ZNF740: variants seen among roughly 807,000 people sequenced by gnomAD.
ZNF740 encodes the protein oriLyt TD-element-binding protein 7.
In ZNF740, 14 loss-of-function variants were observed where a neutral mutation model predicts 24.8. That is an observed-to-expected ratio of 0.56 (90% CI 0.37 to 0.88). The LOEUF (loss-of-function observed/expected upper bound fraction) is 0.88, where lower values mean the gene tolerates loss of function less well. Among genes scored for constraint, ZNF740 ranks in the 40% least tolerant of loss-of-function variants. The pLI, the probability that ZNF740 is intolerant of heterozygous loss-of-function variation, is 0.00. For missense variants in ZNF740, 201 were observed against 247.9 expected, an observed-to-expected ratio of 0.81 and a Z score of 1.27; for synonymous variants, 69 against 84.0, an observed-to-expected ratio of 0.82 and a Z score of 0.98.
At position 53,187,641 on chromosome 12, in the gene ZNF740, C is replaced by A; in HGVS notation, c.*51C>A. 1 of 1,452,308 alleles carries A rather than the reference C, an allele frequency of 6.9e-7. No individual in the cohort carries two copies. Among genetic ancestry groups the A allele is most frequent in the Non-Finnish European group, 9.6e-7 (1 of 1,037,872 alleles). 90.0% of individuals were successfully genotyped at this position (1,452,308 alleles called of 1,614,324 possible). A position where few individuals can be genotyped will look rare whatever the true frequency, so the allele number is the denominator to read the frequency against. On this transcript the variant is annotated 3_prime_UTR_variant, in exon 7 of 7. Transcript: ENST00000416904. ...GTGATCAGAAGAACCTGCCGAAGAG[C>A]ACACCCCCTCTGGTCTGATGGTCCC...
At chr12:53,181,057 C>T (rs1941593139) in intron 1 of ZNF740, 2 of 898,152 alleles carry the variant, frequency 2.2e-6, no homozygotes, top group Non-Finnish European at 2.8e-6. Flanking sequence ...AGAGGGCTCT[C>T]GGAGGGGACG....
At chr12:53,187,011 A>G (rs1396315293) in intron 6 of ZNF740, among the ~76,000 whole-genome samples, 1 of 152,172 alleles carries the variant, frequency 6.6e-6, no homozygotes, top group African/African-American at 2.4e-5. Flanking sequence ...AGACAAGAAC[A>G]AGAGATGAGA....
chr12:53,185,569 C>G lies in ZNF740; in HGVS notation c.249+93C>G, dbSNP rs139959772. 42 of 1,205,730 alleles carry G rather than the reference C, an allele frequency of 3.5e-5. No individual in the cohort carries two copies. In the East Asian group the frequency reaches 1.0e-3, roughly 29 times the overall value. 74.7% of individuals were successfully genotyped at this position (1,205,730 alleles called of 1,614,324 possible). Reference sequence around the variant, plus strand: ...TCTACCATGTAACCTGGAGCTTTCCCTAGATGCTTTGATCTCTGATAGCCA... The same window carrying G: ...TCTACCATGTAACCTGGAGCTTTCCGTAGATGCTTTGATCTCTGATAGCCA... On this transcript the variant is annotated intron_variant, in intron 4 of 6. Coordinates refer to ENST00000416904, the MANE Select transcript of ZNF740 (RefSeq NM_001004304.4).
Position 53,193,343 on chromosome 12 carries a change from C to T in ZNF740, c.*5753C>T. The T allele has an allele frequency of 6.3e-7, 1 of 1,589,606 alleles. No individual in the cohort carries two copies. Among genetic ancestry groups the T allele is most frequent in the Non-Finnish European group, 8.6e-7 (1 of 1,164,536 alleles). ...TGCCACAGAGCACTCACAGAGCCGA[C>T]CTAGGCGGCCAGGGGCACAGCTGGA... On this transcript the variant is annotated 3_prime_UTR_variant, in exon 7 of 7. Transcript: ENST00000416904.
chr12:53,192,820 A>G lies in ZNF740; in HGVS notation c.*5230A>G. On this transcript the variant is annotated 3_prime_UTR_variant, in exon 7 of 7. Coordinates refer to ENST00000416904, the MANE Select transcript of ZNF740 (RefSeq NM_001004304.4). ...ACTGCAGAGCCCTCCCTCGGGACTG[A>G]TGCAACTGTCCATGTCCCCACTGCA... is the stretch of plus-strand genomic sequence containing the variant. 6.2e-7 allele frequency: 1 copy of G among 1,614,190 alleles called. No individual in the cohort carries two copies.
chr12:53,183,794 C>T (rs1941755997), intron 2 of ZNF740, among the ~76,000 whole-genome samples: 1 of 151,980 alleles, frequency 6.6e-6, no homozygotes, highest in African/African-American at 2.4e-5. Context: ...GAGACTGAGG[C>T]TGGAGGATTG....
At chr12:53,186,146 C>T in intron 5 of ZNF740, 69 bp downstream of exon 5, 4 of 1,557,940 alleles carry the variant, frequency 2.6e-6, no homozygotes, top group South Asian at 2.4e-5. Flanking sequence ...CTGTTTGTGG[C>T]TCTAGTTGGG....
rs370079380 is a variant in ZNF740 at position 53,191,831 on chromosome 12, AAG to A, written c.*4242_*4243del. The A allele has an allele frequency of 3.6e-5, 58 of 1,613,258 alleles. 3 individuals carry two copies. In the African/African-American group the frequency reaches 4.3e-4, roughly 12 times the overall value. Reference sequence around the variant, plus strand: ...GTCTTGTGGTGGGGGAACAGCTAAAAAGGGGCCTAACCAGGAAGTCTCCTCAC... The same window carrying A: ...GTCTTGTGGTGGGGGAACAGCTAAAAGGGCCTAACCAGGAAGTCTCCTCAC... On this transcript the variant is annotated 3_prime_UTR_variant, in exon 7 of 7. Transcript: ENST00000416904.
In ZNF740 at chr12:53,193,478, G is replaced by T; in HGVS notation, c.*5888G>T. On this transcript the variant is annotated 3_prime_UTR_variant, in exon 7 of 7. Transcript: ENST00000416904. ...CAAAAGAGTTGGAGACAGACAAACA[G>T]CTGAAAGGATGTTAAGTATAGTGAA... 1 of 825,196 alleles carries T rather than the reference G, an allele frequency of 1.2e-6. No homozygotes were observed. The highest frequency in any genetic ancestry group is 1.9e-6 in the Non-Finnish European group (1 of 535,810). The allele number at this position is 825,196 out of a possible 1,614,324, so 51.1% of individuals were successfully genotyped here. A position where few individuals can be genotyped will look rare whatever the true frequency, so the allele number is the denominator to read the frequency against.
chr12:53,193,088 T>C lies in ZNF740; in HGVS notation c.*5498T>C. The C allele has an allele frequency of 6.6e-7, 1 of 1,504,582 alleles. No individual in the cohort carries two copies. The highest frequency in any genetic ancestry group is 9.1e-7 in the Non-Finnish European group (1 of 1,094,316). The allele number at this position is 1,504,582 out of a possible 1,614,324, so 93.2% of individuals were successfully genotyped here. A position where few individuals can be genotyped will look rare whatever the true frequency, so the allele number is the denominator to read the frequency against. The stretch of plus-strand genomic sequence containing the variant: ...TGCCAGGAGATTCCCAGAGCCTAAG[T>C]GCCTTGGGAAGGCCTCTCAGACCCC... On this transcript the variant is annotated 3_prime_UTR_variant, in exon 7 of 7. Coordinates refer to ENST00000416904, the MANE Select transcript of ZNF740 (RefSeq NM_001004304.4).
At position 53,193,947 on chromosome 12, in the gene ZNF740, C is replaced by G; in HGVS notation, c.*6357C>G. 2.0e-6 allele frequency: 3 copies of G among 1,536,674 alleles called. No individual in the cohort carries two copies. In the African/African-American group the frequency reaches 4.1e-5, roughly 21 times the overall value. ...GGCCATGGTTATACACATGCACACA[C>G]ACATACCCCAAACTCACCAATCATC... On this transcript the variant is annotated 3_prime_UTR_variant, in exon 7 of 7. Transcript: ENST00000416904.
intron 5 of ZNF740, 123 bp from the exon 6 acceptor site, chr12:53,186,268 C>T (rs925467326): frequency 1.7e-6 from 2 of 1,143,918 alleles, no homozygotes; most frequent in East Asian, 2.6e-5. Flanking sequence ...TTGGGGACCT[C>T]TCCCCATTTA....
At chr12:53,184,114 G>GTGTGTGT in intron 2 of ZNF740, among the ~76,000 whole-genome samples, 1 of 123,572 alleles carries the variant, frequency 8.1e-6, no homozygotes, top group African/African-American at 3.5e-5. Flanking sequence ...GAAGCTAAGG[G>GTGTGTGT]GTGTGTGTGT....
At chr12:53,187,028 A>G (rs983265320) in intron 6 of ZNF740, among the ~76,000 whole-genome samples, 2 of 152,178 alleles carry the variant, frequency 1.3e-5, no homozygotes, top group Non-Finnish European at 2.9e-5. Context: ...GAGAAATGAT[A>G]ATAGCTAACA....
Position 53,192,726 on chromosome 12 carries a change from T to C in ZNF740, c.*5136T>C. On this transcript the variant is annotated 3_prime_UTR_variant, in exon 7 of 7. Transcript: ENST00000416904. ...CGCATGGTGTCTTGCAGCCTGGGCA[T>C]TGGTCGCATAGAGCACCATAGTAGC... The C allele has an allele frequency of 1.9e-6, 3 of 1,614,192 alleles. No individual in the cohort carries two copies. The highest frequency in any genetic ancestry group is 2.5e-6 in the Non-Finnish European group (3 of 1,180,026).
Position 53,193,220 on chromosome 12 carries a change from C to T in ZNF740, c.*5630C>T, listed in dbSNP as rs1166553966. ...ATGCCCAGAGCTCTGTCCACTGCAG[C>T]TGCAGCGTCCACATTGACAGTGACC... On this transcript the variant is annotated 3_prime_UTR_variant, in exon 7 of 7. Coordinates refer to ENST00000416904, the MANE Select transcript of ZNF740 (RefSeq NM_001004304.4). 1.9e-6 allele frequency: 3 copies of T among 1,614,170 alleles called. No homozygotes were observed. The South Asian group carries it at 3.3e-5, about 18-fold the overall frequency.
intron 2 of ZNF740, among the ~76,000 whole-genome samples, chr12:53,184,006 A>G (rs946648214): frequency 4.2e-4 from 63 of 151,688 alleles, no homozygotes; most frequent in African/African-American, 1.5e-3. Flanking sequence ...CCTGGGCGAC[A>G]GAGTGACACC....
In ZNF740 at chr12:53,193,703, C is replaced by T. The variant is rs765330941; in HGVS notation, c.*6113C>T. The T allele has an allele frequency of 1.2e-6, 2 of 1,602,650 alleles. No individual in the cohort carries two copies. Among genetic ancestry groups the T allele is most frequent in the South Asian group, 1.1e-5 (1 of 89,710 alleles). The stretch of plus-strand genomic sequence containing the variant: ...AGGTGGTTGAAGGGAAGAGGAGGCC[C>T]TCACCTGCATACACCACATTGTAGG... On this transcript the variant is annotated 3_prime_UTR_variant, in exon 7 of 7. Transcript: ENST00000416904.
intron 4 of ZNF740, among the ~76,000 whole-genome samples, 196 bp from the exon 5 acceptor site, chr12:53,185,758 A>G (rs1941810299): frequency 6.6e-6 from 1 of 152,234 alleles, no homozygotes; most frequent in African/African-American, 2.4e-5. Context: ...TGGGTTTGAC[A>G]GGATAGACAG....
Sources: gnomAD v4.1 joint callset for allele counts (sites outside exome capture counted in the v4.1 genomes callset) on GRCh38, gnomAD v4.1.1 for gene constraint, MANE v1.5 for transcripts, NCBI Gene and HGNC (gene_info 2026-07-23, HGNC 2026-07-21) for gene names.